BUB1: variants seen among roughly 807,000 people sequenced by gnomAD.
BUB1 encodes the protein mitotic checkpoint serine/threonine-protein kinase BUB1.
BUB1 carries 84 observed loss-of-function variants against 135.2 expected under a neutral mutation model. That is an observed-to-expected ratio of 0.62 (90% CI 0.52 to 0.74). The LOEUF (loss-of-function observed/expected upper bound fraction) is 0.74. BUB1 is among the 30% of genes least tolerant of loss of function. The probability of loss-of-function intolerance (pLI) is 0.00; values close to 1 mark genes in which losing one functional copy is unlikely to be tolerated. For missense variants in BUB1, 1,162 were observed against 1,288.3 expected (o/e 0.90, Z 1.50); for synonymous variants, 403 against 434.4 (o/e 0.93, Z 0.90).
Position 110,637,985 on chromosome 2 carries a change from T to C in BUB1, c.3237A>G (p.Glu1079=). The change falls in exon 25 of 25, where the codon GAA becomes GAG. Residue 1079 remains glutamate, a synonymous_variant. Transcript: ENST00000302759. ...LRNRLIVLLL[E]CKRSRK ...AATTTTATTTTCGTGAACGCTTACA[T>C]TCTAAGAGCAGTACAATTAGCCTAT... The C allele has an allele frequency of 6.6e-7, 1 of 1,524,940 alleles. No homozygotes were observed. The highest frequency in any genetic ancestry group is 1.3e-5 in the South Asian group (1 of 76,472). The allele number at this position is 1,524,940 out of a possible 1,614,324, so 94.5% of individuals were successfully genotyped here.
At chr2:110,665,537 C>T (rs1190983369) in intron 9 of BUB1, among the ~76,000 whole-genome samples, 1 of 150,424 alleles carries the variant, frequency 6.6e-6, no homozygotes, top group Non-Finnish European at 1.5e-5. Flanking sequence ...AGCAAGACCC[C>T]GTCTAAAAAT....
chr2:110,673,241 A>C (rs1003256435), intron 3 of BUB1, among the ~76,000 whole-genome samples: 1 of 152,204 alleles, frequency 6.6e-6, no homozygotes, highest in African/African-American at 2.4e-5. Context: ...CTTGCCCTAA[A>C]CATCTCTTCA....
chr2:110,672,098 G>A (rs1470738799), intron 4 of BUB1, among the ~76,000 whole-genome samples: 1 of 152,026 alleles, frequency 6.6e-6, no homozygotes, highest in Non-Finnish European at 1.5e-5. Flanking sequence ...ATGGTGGCAC[G>A]TCCCTATAGT....
chr2:110,649,113 C>T (rs1689715539), intron 19 of BUB1, 121 bp downstream of exon 19: 1 of 889,180 alleles, frequency 1.1e-6, no homozygotes, highest in Non-Finnish European at 1.7e-6. Context: ...ACAGATACAA[C>T]TCCCTATTGG....
intron 24 of BUB1, among the ~76,000 whole-genome samples, chr2:110,638,531 T>C (rs1242134528): frequency 6.6e-6 from 1 of 152,210 alleles, no homozygotes; most frequent in Non-Finnish European, 1.5e-5. Context: ...CCTAACTGCA[T>C]ATGCACCAGG....
chr2:110,672,839 G>C lies in BUB1; in HGVS notation c.244C>G (p.Leu82Val). ...TACAGAAACTCAAAAAATTGATGGAGGTCACTGTTGTACTCAGCCTACACG... is the reference window on the plus strand; with the variant it reads ...TACAGAAACTCAAAAAATTGATGGACGTCACTGTTGTACTCAGCCTACACG... ...CLKFAEYNSD[L>V]HQFFEFLYNH... is the part of the protein sequence containing the mutation. The change falls in exon 4 of 25, where the codon CTC (leucine) becomes GTC (valine). Residue 82 changes from leucine (L) to valine (V), a missense_variant. Transcript: ENST00000302759. The C allele has an allele frequency of 6.2e-7, 1 of 1,608,008 alleles. No individual in the cohort carries two copies.
rs1689656942 is a variant in BUB1, at chr2:110,646,783, C to T, written c.2347+2451G>A. Among the ~76,000 whole-genome samples the T allele has an allele frequency of 1.3e-5, 2 of 152,040 alleles. 1 individual carries two copies. The highest frequency in any genetic ancestry group is 4.1e-4 in the South Asian group (2 of 4,836). Reference sequence around the variant, plus strand: ...AAAGGAAAATTTGTAGCACTAAATACATATATTAGAAAAGAAGATCTAAAA... The same window carrying T: ...AAAGGAAAATTTGTAGCACTAAATATATATATTAGAAAAGAAGATCTAAAA... On this transcript the variant is annotated intron_variant, in intron 19 of 24. Transcript: ENST00000302759.
chr2:110,677,566 C>T (rs1690624887), intron 1 of BUB1, among the ~76,000 whole-genome samples: 1 of 152,060 alleles, frequency 6.6e-6, no homozygotes, highest in East Asian at 1.9e-4. Flanking sequence ...AGGAGAGCAA[C>T]TTTAAATTCG....
At chr2:110,674,417 C>T in intron 1 of BUB1, 52 bp from the exon 2 acceptor site, 6 of 1,528,514 alleles carry the variant, frequency 3.9e-6, no homozygotes, top group Non-Finnish European at 5.4e-6. Context: ...TTTCTACAAG[C>T]AAAAGATATA....
In BUB1 at chr2:110,641,481, G is replaced by A; in HGVS notation, c.2626-17C>T. On this transcript the variant is annotated splice_polypyrimidine_tract_variant and intron_variant, in intron 21 of 24. Coordinates refer to ENST00000302759, the MANE Select transcript of BUB1 (RefSeq NM_004336.5). ...AATGGCATTCTAGGAACAATGGAAA[G>A]TGGAATCCTGAGTTAGTTGCACAAG... 6.3e-7 allele frequency: 1 copy of A among 1,593,658 alleles called. No individual in the cohort carries two copies. The highest frequency in any genetic ancestry group is 8.5e-7 in the Non-Finnish European group (1 of 1,171,562).
Position 110,667,976 on chromosome 2 carries a change from A to G in BUB1, c.568-127T>C, listed in dbSNP as rs998717463. The G allele has an allele frequency of 2.1e-5, 16 of 762,330 alleles. No homozygotes were observed. The African/African-American group carries it at 2.3e-4, about 11-fold the overall frequency. 47.2% of individuals were successfully genotyped at this position (762,330 alleles called of 1,614,324 possible). Reference sequence around the variant, plus strand: ...ACCTTAATCCCAAGTAGATTTATGTAATTTTAAATTATGATTAATATCAAA... The same window carrying G: ...ACCTTAATCCCAAGTAGATTTATGTGATTTTAAATTATGATTAATATCAAA... On this transcript the variant is annotated intron_variant, in intron 6 of 24. Coordinates refer to ENST00000302759, the MANE Select transcript of BUB1 (RefSeq NM_004336.5).
At chr2:110,674,037 A>C (rs371790296) in intron 3 of BUB1, 49 bp downstream of exon 3, 2 of 1,399,646 alleles carry the variant, frequency 1.4e-6, no homozygotes, top group Non-Finnish European at 2.0e-6. Context: ...TTAAAAAGCA[A>C]AAGTACAACA....
Position 110,641,093 on chromosome 2 carries a change from A to G in BUB1, c.2896T>C (p.Cys966Arg), listed in dbSNP as rs1396748473. 2.5e-6 allele frequency: 4 copies of G among 1,613,056 alleles called. No homozygotes were observed. The highest frequency in any genetic ancestry group is 1.7e-5 in the Admixed American group (1 of 59,820). The change falls in exon 23 of 25, where the codon TGT becomes CGT. Residue 966 changes from cysteine to arginine, a missense_variant. Physicochemically the swap from Cys to Arg is radical, Grantham distance 180 (BLOSUM62 -3). Coordinates refer to ENST00000302759, the MANE Select transcript of BUB1 (RefSeq NM_004336.5). ...FPKGTIFTAK[C>R]ETSGFQCVEM... ...ACACACTGAAAACCAGATGTTTCAC[A>G]CTTTGCTGTGAATATAGTTCCTTTT...
At chr2:110,666,556 C>A in intron 8 of BUB1, 142 bp from the exon 9 acceptor site, 1 of 534,978 alleles carries the variant, frequency 1.9e-6, no homozygotes, top group Non-Finnish European at 2.8e-6. Flanking sequence ...AGAAGTGAAA[C>A]TTGTATTACC....
chr2:110,676,399 G>A (rs961639446), intron 1 of BUB1: 2 of 152,230 alleles, frequency 1.3e-5, no homozygotes, highest in Non-Finnish European at 2.9e-5. Context: ...CATCTTGCTT[G>A]TAGGTGGGCA....
At chr2:110,671,339 CG>C (rs1410550205) in intron 4 of BUB1, among the ~76,000 whole-genome samples, 2 of 152,042 alleles carry the variant, frequency 1.3e-5, no homozygotes, top group South Asian at 2.1e-4. Context: ...TGTTATGGAT[CG>C]GCTTTAAAAT....
Position 110,641,781 on chromosome 2 carries a change from C to T in BUB1, c.2486G>A (p.Trp829Ter). 1.2e-6 allele frequency: 2 copies of T among 1,605,972 alleles called. No individual in the cohort carries two copies. The highest frequency in any genetic ancestry group is 1.1e-5 in the South Asian group (1 of 90,748). ...VLKVQKPANP[W>*]EFYIGTQLME... The stretch of plus-strand genomic sequence containing the variant: ...CAACTGGGTCCCAATGTAGAATTCC[C>T]AGGGGTTGGCAGGCTTTTGGACCTG... Residue 829 changes from tryptophan to a stop codon, truncating the protein, a stop_gained, in exon 21 of 25, where the codon TGG becomes TAG. Transcript: ENST00000302759. LOFTEE classifies it high-confidence loss of function.
At chr2:110,647,864 G>A (rs968767542) in intron 19 of BUB1, among the ~76,000 whole-genome samples, 2 of 152,162 alleles carry the variant, frequency 1.3e-5, no homozygotes, top group Non-Finnish European at 2.9e-5. Context: ...CACTGTTCAC[G>A]TATCAGAATG....
At chr2:110,664,845 G>A (rs547341972) in intron 9 of BUB1, among the ~76,000 whole-genome samples, 10 of 152,234 alleles carry the variant, frequency 6.6e-5, no homozygotes, top group Admixed American at 3.3e-4. Flanking sequence ...AAACAGCCAC[G>A]AAATGTATCC....
Sources: gnomAD v4.1 joint callset for allele counts (sites outside exome capture counted in the v4.1 genomes callset) on GRCh38, gnomAD v4.1.1 for gene constraint, MANE v1.5 for transcripts, NCBI Gene and HGNC (gene_info 2026-07-23, HGNC 2026-07-21) for gene names.